DPYSL2: variants seen among roughly 807,000 people sequenced by gnomAD.
DPYSL2 encodes dihydropyrimidinase like 2.
A neutral mutation model predicts 69.9 loss-of-function variants in DPYSL2; 13 were observed. The observed-to-expected ratio is 0.19, with a 90% CI of 0.12 to 0.30. DPYSL2 has a LOEUF of 0.30. DPYSL2 is among the 10% of genes least tolerant of loss of function. The probability of loss-of-function intolerance (pLI) is 1.00; values close to 1 mark genes in which losing one functional copy is unlikely to be tolerated. For synonymous variants in DPYSL2, 326 were observed against 359.1 expected, an observed-to-expected ratio of 0.91 and a Z score of 1.04; for missense variants, 587 against 918.9, an observed-to-expected ratio of 0.64 and a Z score of 4.67.
Position 26,609,073 on chromosome 8 carries a change from C to T in DPYSL2, c.629-15070C>T, listed in dbSNP as rs1425609665. 6.6e-6 allele frequency among the ~76,000 whole-genome samples: 1 copy of T among 152,128 alleles called. No individual in the cohort carries two copies. Among genetic ancestry groups the T allele is most frequent in the Non-Finnish European group, 1.5e-5 (1 of 68,032 alleles). ...TTTGTACAAGGGTGGAGTGGGTGTC[C>T]ATTTGCTGACGAGCACCCTGTGTAC... On this transcript the variant is annotated intron_variant, in intron 3 of 13. Coordinates refer to ENST00000521913, the MANE Select transcript of DPYSL2 (RefSeq NM_001197293.3). The surrounding 1 kb of genome is among the most constrained non-coding windows in gnomAD (Gnocchi z 6.5).
intron 1 of DPYSL2, among the ~76,000 whole-genome samples, chr8:26,525,357 A>T (rs961860795): frequency 6.6e-6 from 1 of 152,086 alleles, no homozygotes; most frequent in Non-Finnish European, 1.5e-5. Flanking sequence ...AGTAGTTGGG[A>T]CTACAGGCAC....
chr8:26,557,635 A>AAAAAAAAAAAAC (rs1801011094), intron 1 of DPYSL2, among the ~76,000 whole-genome samples: 1 of 150,036 alleles, frequency 6.7e-6, no homozygotes, highest in Non-Finnish European at 1.5e-5. Flanking sequence ...AAAAAAAAAA[A>AAAAAAAAAAAAC]AAAAAAAGCC....
In DPYSL2 at chr8:26,556,160, G is replaced by GTATATATATAGTATA. The variant is rs1377125528; in HGVS notation, c.355-25803_355-25802insTATAGTATATATATA. The stretch of plus-strand genomic sequence containing the variant: ...CTATATATAGTATATACTATATATA[G>GTATATATATAGTATA]TATATACTATATATAGTATATACTA... On this transcript the variant is annotated intron_variant, in intron 1 of 13. Coordinates refer to ENST00000521913, the MANE Select transcript of DPYSL2 (RefSeq NM_001197293.3). Among the ~76,000 whole-genome samples, 12 of 1,706 alleles carry GTATATATATAGTATA rather than the reference G, an allele frequency of 7.0e-3. 1 individual carries two copies. The highest frequency in any genetic ancestry group is 0.012 in the African/African-American group (12 of 994). 1.1% of individuals were successfully genotyped at this position (1,706 alleles called of 152,430 possible).
rs939558376 is a variant in DPYSL2 at position 26,586,954 on chromosome 8, G to C, written c.628+2971G>C. Among the ~76,000 whole-genome samples, 2 of 152,220 alleles carry C rather than the reference G, an allele frequency of 1.3e-5. No individual in the cohort carries two copies. Among genetic ancestry groups the C allele is most frequent in the Admixed American group, 1.3e-4 (2 of 15,282 alleles). Reference sequence around the variant, plus strand: ...ACCCCCAAATGCCATTGCTTTTATAGCCTGAGAAAAGTACTAACTACTTTT... The same window carrying C: ...ACCCCCAAATGCCATTGCTTTTATACCCTGAGAAAAGTACTAACTACTTTT... On this transcript the variant is annotated intron_variant, in intron 3 of 13. Transcript: ENST00000521913. This position sits in a 1 kb window ranked among gnomAD's most constrained non-coding sequence, Gnocchi z 4.7.
chr8:26,575,585 C>T (rs1423840731), intron 1 of DPYSL2, among the ~76,000 whole-genome samples: 1 of 152,032 alleles, frequency 6.6e-6, no homozygotes, highest in African/African-American at 2.4e-5. Flanking sequence ...TGGATATTTA[C>T]GAGTGGAAAC....
At chr8:26,567,357 C>A (rs988865243) in intron 1 of DPYSL2, among the ~76,000 whole-genome samples, 1 of 151,632 alleles carries the variant, frequency 6.6e-6, no homozygotes, top group Admixed American at 6.6e-5. Flanking sequence ...TACATCTGCC[C>A]ATCCATCCAT....
At chr8:26,607,914 C>T (rs1802141497) in intron 3 of DPYSL2, among the ~76,000 whole-genome samples, 1 of 151,758 alleles carries the variant, frequency 6.6e-6, no homozygotes. Flanking sequence ...CCTGTCCCTA[C>T]TAAAAACAAA....
At chr8:26,575,679 T>C (rs995938136) in intron 1 of DPYSL2, among the ~76,000 whole-genome samples, 5 of 152,210 alleles carry the variant, frequency 3.3e-5, no homozygotes, top group African/African-American at 7.2e-5. Context: ...TGGAAGCTTT[T>C]ATTACAAAAC....
chr8:26,553,128 A>G (rs1365934602), intron 1 of DPYSL2, among the ~76,000 whole-genome samples: 1 of 152,202 alleles, frequency 6.6e-6, no homozygotes, highest in Non-Finnish European at 1.5e-5. Flanking sequence ...ATCGGAATAG[A>G]CCTATTGCTA....
chr8:26,628,330 G>A (rs778938015), intron 7 of DPYSL2, among the ~76,000 whole-genome samples: 4 of 152,208 alleles, frequency 2.6e-5, no homozygotes, highest in African/African-American at 4.8e-5. Context: ...TCTTCTAAAT[G>A]CCTAGAAGGC....
At chr8:26,521,450 G>T (rs76939616) in intron 1 of DPYSL2, among the ~76,000 whole-genome samples, 7 of 150,558 alleles carry the variant, frequency 4.6e-5, no homozygotes, top group Non-Finnish European at 8.9e-5. Context: ...GGCTCTGAAA[G>T]AAAGCTATGC....
rs2117614208 is a variant in DPYSL2, at chr8:26,533,516, G to T, written c.354+18837G>T. Among the ~76,000 whole-genome samples, 1 of 152,260 alleles carries T rather than the reference G, an allele frequency of 6.6e-6. No individual in the cohort carries two copies. Among genetic ancestry groups the T allele is most frequent in the East Asian group, 1.9e-4 (1 of 5,184 alleles). ...GTTTTTGCTTTTACCTGTAGATTTT[G>T]GATCCATTTTGAGTTAATTTTTCTA... On this transcript the variant is annotated intron_variant, in intron 1 of 13. Coordinates refer to ENST00000521913, the MANE Select transcript of DPYSL2 (RefSeq NM_001197293.3). This position sits in a 1 kb window ranked among gnomAD's most constrained non-coding sequence, Gnocchi z 4.8.
At position 26,598,814 on chromosome 8, in the gene DPYSL2, C is replaced by A. The variant is rs1317483338; in HGVS notation, c.628+14831C>A. On this transcript the variant is annotated intron_variant, in intron 3 of 13. Coordinates refer to ENST00000521913, the MANE Select transcript of DPYSL2 (RefSeq NM_001197293.3). The surrounding 1 kb of genome is among the most constrained non-coding windows in gnomAD (Gnocchi z 4.2). ...ACCTTGTTTATTGCAATCTTTCTTT[C>A]ATTTTGCAGGCGGTGGGGGTGGGGG... 1.3e-5 allele frequency among the ~76,000 whole-genome samples: 2 copies of A among 151,220 alleles called. No individual in the cohort carries two copies. The highest frequency in any genetic ancestry group is 1.3e-4 in the Admixed American group (2 of 15,122).
chr8:26,618,134 G>T (rs185280511), intron 3 of DPYSL2, among the ~76,000 whole-genome samples: 3 of 152,238 alleles, frequency 2.0e-5, no homozygotes, highest in African/African-American at 7.2e-5. Context: ...CTGTCCTGGG[G>T]CATGTTCCTG....
intron 1 of DPYSL2, among the ~76,000 whole-genome samples, chr8:26,556,503 AGGT>A (rs1800990334): frequency 8.1e-6 from 1 of 123,150 alleles, no homozygotes; most frequent in African/African-American, 3.4e-5. Flanking sequence ...GTAGGATATA[AGGT>A]TATTATACAA....
rs757825901 is a variant in DPYSL2, at chr8:26,652,452, C to A, written c.1776+16C>A. On this transcript the variant is annotated intron_variant, in intron 12 of 13. Transcript: ENST00000521913. The surrounding 1 kb of genome is among the most constrained non-coding windows in gnomAD (Gnocchi z 6.3). ...AAGGAGCAGGGTGAGTAGTTTTGTT[C>A]TGATGAATTTTTTGTTAAATCACGA... The A allele has an allele frequency of 6.3e-7, 1 of 1,584,228 alleles. No homozygotes were observed. Among genetic ancestry groups the A allele is most frequent in the East Asian group, 2.3e-5 (1 of 44,032 alleles).
intron 7 of DPYSL2, among the ~76,000 whole-genome samples, 187 bp downstream of exon 7, chr8:26,628,127 C>G (rs963909676): frequency 2.6e-5 from 4 of 152,234 alleles, no homozygotes; most frequent in African/African-American, 9.6e-5. Context: ...TAGATTGCTC[C>G]TGAGGGTAAG....
intron 3 of DPYSL2, among the ~76,000 whole-genome samples, chr8:26,589,404 C>G (rs890993848): frequency 6.6e-6 from 1 of 152,228 alleles, no homozygotes; most frequent in Non-Finnish European, 1.5e-5. Flanking sequence ...GCCTGGGCAG[C>G]CTCACTCCTC....
chr8:26,555,518 T>G lies in DPYSL2; in HGVS notation c.355-26451T>G, dbSNP rs1800930485. Among the ~76,000 whole-genome samples, 4 of 152,130 alleles carry G rather than the reference T, an allele frequency of 2.6e-5. 1 individual carries two copies. Among genetic ancestry groups the G allele is most frequent in the Admixed American group, 2.6e-4 (4 of 15,260 alleles). On this transcript the variant is annotated intron_variant, in intron 1 of 13. Coordinates refer to ENST00000521913, the MANE Select transcript of DPYSL2 (RefSeq NM_001197293.3). ...TTGTTTATGTTAACACCAAAAAAATTAGATATAAATCTAACAGAATATGTA... is the reference window on the plus strand; with the variant it reads ...TTGTTTATGTTAACACCAAAAAAATGAGATATAAATCTAACAGAATATGTA...
Sources: gnomAD v4.1 joint callset for allele counts (sites outside exome capture counted in the v4.1 genomes callset) on GRCh38, gnomAD v4.1.1 for gene constraint, Gnocchi (gnomAD v3.1) non-coding constraint, MANE v1.5 for transcripts, NCBI Gene and HGNC (gene_info 2026-07-23, HGNC 2026-07-21) for gene names.